Variants in COL6A3 observed in about 807,000 individuals in gnomAD.
The protein encoded by COL6A3 is collagen alpha-3(VI) chain.
Under a neutral mutation model 274.1 loss-of-function variants are expected in COL6A3, and 137 were observed. The ratio of observed to expected loss-of-function variants is 0.50; its 90% CI spans 0.44 to 0.58. The LOEUF is 0.58. Ranked by LOEUF, COL6A3 falls within the 20% of genes least tolerant of loss-of-function variation. COL6A3 has a pLI of 0.00. For synonymous variants in COL6A3, 1,650 were observed against 1,650.6 expected (o/e 1.00, Z 0.01); for missense variants, 3,950 against 4,124.9 (o/e 0.96, Z 1.16).
intron 42 of COL6A3, chr2:237,327,882 T>C (rs1700033789): frequency 6.6e-6 from 1 of 151,908 alleles, no homozygotes; most frequent in African/African-American, 2.4e-5. Context: ...CCAAGGGAGA[T>C]GGCTGGCCCT....
At chr2:237,393,208 G>C (rs1213701798) in intron 3 of COL6A3, among the ~76,000 whole-genome samples, 1 of 152,012 alleles carries the variant, frequency 6.6e-6, no homozygotes, top group Admixed American at 6.6e-5. Flanking sequence ...TCCTGGGAGT[G>C]CCTGAGATAT....
At chr2:237,387,427 A>G (rs548752669) in intron 4 of COL6A3, among the ~76,000 whole-genome samples, 155 bp downstream of exon 4, 1 of 152,202 alleles carries the variant, frequency 6.6e-6, no homozygotes, top group Non-Finnish European at 1.5e-5. Flanking sequence ...CATCACAAAC[A>G]TGACATCCAG....
chr2:237,351,369 A>G (rs956232033), intron 26 of COL6A3, among the ~76,000 whole-genome samples, 177 bp from the exon 27 acceptor site: 1 of 152,242 alleles, frequency 6.6e-6, no homozygotes, highest in Non-Finnish European at 1.5e-5. Flanking sequence ...TCAAATATAA[A>G]CATGCACAGA....
chr2:237,334,809 C>T lies in COL6A3; in HGVS notation c.9046G>A (p.Gly3016Ser). ...KLHWERAEPP[G>S]PYFYDLTVTS... ...ACGGTGAGGTCATAAAAATAAGGAC[C>T]GGGGGGCTCAGCCCTCTCCCAGTGG... Residue 3016 changes from glycine (G) to serine (S), a missense_variant, in exon 41 of 44, where the codon GGT becomes AGT. Gly to Ser is a moderately conservative substitution (Grantham distance 56). Transcript: ENST00000295550. The T allele has an allele frequency of 4.3e-6, 7 of 1,614,048 alleles. No homozygotes were observed. Among genetic ancestry groups the T allele is most frequent in the Admixed American group, 1.7e-5 (1 of 60,012 alleles).
chr2:237,376,088 G>T (rs1231396235), intron 7 of COL6A3, among the ~76,000 whole-genome samples: 3 of 152,168 alleles, frequency 2.0e-5, no homozygotes, highest in Admixed American at 6.5e-5. Context: ...TCACAAGTGG[G>T]TTAATGGGAG....
chr2:237,400,642 A>G (rs555067063), intron 1 of COL6A3, among the ~76,000 whole-genome samples: 108 of 152,208 alleles, frequency 7.1e-4, no homozygotes, highest in African/African-American at 2.6e-3. Context: ...AAAACAAAAA[A>G]CCCAGGACCA....
chr2:237,328,590 G>A (rs1267975537), intron 42 of COL6A3: 3 of 152,186 alleles, frequency 2.0e-5, no homozygotes, highest in Non-Finnish European at 4.4e-5. Context: ...ATATTTCTCT[G>A]TACCTCCTGA....
chr2:237,410,655 A>G (rs1490010877), intron 1 of COL6A3, among the ~76,000 whole-genome samples: 1 of 152,208 alleles, frequency 6.6e-6, no homozygotes. Flanking sequence ...AGAATGTATT[A>G]AAAATTATAT....
At chr2:237,360,438 CTG>C (rs2077410131) in intron 16 of COL6A3, among the ~76,000 whole-genome samples, 1 of 152,140 alleles carries the variant, frequency 6.6e-6, no homozygotes, top group African/African-American at 2.4e-5. Flanking sequence ...GCCCCCAGCA[CTG>C]TGTCTCTGTG....
At chr2:237,375,057 T>C in intron 7 of COL6A3, 37 bp from the exon 8 acceptor site, 1 of 1,611,168 alleles carries the variant, frequency 6.2e-7, no homozygotes, top group Non-Finnish European at 8.5e-7. Flanking sequence ...ACACAGGACA[T>C]CAGAGCAGCA....
chr2:237,341,972 T>C (rs960587236), intron 37 of COL6A3, 93 bp downstream of exon 37: 1 of 1,088,890 alleles, frequency 9.2e-7, no homozygotes, highest in Non-Finnish European at 1.4e-6. Context: ...CTCAAGCTCT[T>C]TTTACAGATC....
chr2:237,367,251 C>G lies in COL6A3; in HGVS notation c.4936G>C (p.Gly1646Arg). ...CTGTCCCTCCTGAAGTTGATGGAAC[C>G]ATCCAACAGGAACACAATGTCTGCT... The part of the protein sequence containing the change: ...KKADIVFLLD[G>R]SINFRRDSFQ... The change falls in exon 11 of 44, where the codon GGT (glycine) becomes CGT (arginine). Residue 1646 changes from glycine (G) to arginine (R), a missense_variant. Gly to Arg is a moderately radical substitution (Grantham distance 125). Around this residue, in one of 5 missense-constraint regions of COL6A3, gnomAD observed 632 missense variants for 623.4 expected, o/e 1.01. Transcript: ENST00000295550. The G allele has an allele frequency of 6.2e-7, 1 of 1,613,766 alleles. No homozygotes were observed. The highest frequency in any genetic ancestry group is 8.5e-7 in the Non-Finnish European group (1 of 1,179,786).
At chr2:237,409,827 A>G (rs551601458) in intron 1 of COL6A3, among the ~76,000 whole-genome samples, 1 of 152,310 alleles carries the variant, frequency 6.6e-6, no homozygotes, top group South Asian at 2.1e-4. Context: ...TGAATATGCA[A>G]ACCTACTTTG....
At position 237,325,728 on chromosome 2, in the gene COL6A3, T is replaced by G; in HGVS notation, c.9329-4A>C. 6.2e-7 allele frequency: 1 copy of G among 1,612,484 alleles called. No homozygotes were observed. The highest frequency in any genetic ancestry group is 8.5e-7 in the Non-Finnish European group (1 of 1,179,194). The stretch of plus-strand genomic sequence containing the variant: ...TCTTTCGGCAACTTGCATATATCTT[T>G]AATAAAAACATGAGAAAAGGATATT... On this transcript the variant is annotated splice_polypyrimidine_tract_variant and splice_region_variant and intron_variant, in intron 42 of 43. Coordinates refer to ENST00000295550, the MANE Select transcript of COL6A3 (RefSeq NM_004369.4).
chr2:237,395,615 C>T (rs1035953140), intron 2 of COL6A3, among the ~76,000 whole-genome samples: 2 of 152,142 alleles, frequency 1.3e-5, no homozygotes, highest in African/African-American at 2.4e-5. Flanking sequence ...GTTTGGAATA[C>T]AAAACCGGGC....
In COL6A3 at chr2:237,369,183, G is replaced by A. The variant is rs1250196413; in HGVS notation, c.4286-6C>T. Reference sequence around the variant, plus strand: ...TGCAGCATCACTCTCAACTGCTGCAGATCAAAGAAGAAAAAGGGAAACATT... The same window carrying A: ...TGCAGCATCACTCTCAACTGCTGCAAATCAAAGAAGAAAAAGGGAAACATT... On this transcript the variant is annotated splice_polypyrimidine_tract_variant and splice_region_variant and intron_variant, in intron 9 of 43. Transcript: ENST00000295550. The A allele has an allele frequency of 2.5e-6, 4 of 1,607,696 alleles. No individual in the cohort carries two copies. Among genetic ancestry groups the A allele is most frequent in the Non-Finnish European group, 1.7e-6 (2 of 1,179,990 alleles).
Position 237,379,238 on chromosome 2 carries a change from G to A in COL6A3, c.1898-3C>T, listed in dbSNP as rs774673109. ...GATATCCCTTTTGTTTGAGTGAACT[G>A]CAGTGAAGCACAGAAAAAAAAGTGA... On this transcript the variant is annotated splice_region_variant and splice_polypyrimidine_tract_variant and intron_variant, in intron 5 of 43. Coordinates refer to ENST00000295550, the MANE Select transcript of COL6A3 (RefSeq NM_004369.4). 3.7e-6 allele frequency: 6 copies of A among 1,614,114 alleles called. No individual in the cohort carries two copies. Among genetic ancestry groups the A allele is most frequent in the Admixed American group, 1.7e-5 (1 of 60,030 alleles).
chr2:237,366,733 A>G lies in COL6A3; in HGVS notation c.5454T>C (p.Asp1818=). ...LSEQVLETLH[D]AMHETLCPGV... ...CAGGGCAAAGGGTTTCATGCATCGCATCATGCAAAGTTTCCAAAACTTGCT... is the reference window on the plus strand; with the variant it reads ...CAGGGCAAAGGGTTTCATGCATCGCGTCATGCAAAGTTTCCAAAACTTGCT... Residue 1818 remains aspartate, a synonymous_variant, in exon 11 of 44, where the codon GAT becomes GAC. Coordinates refer to ENST00000295550, the MANE Select transcript of COL6A3 (RefSeq NM_004369.4). 1 of 1,614,272 alleles carries G rather than the reference A, an allele frequency of 6.2e-7. No individual in the cohort carries two copies. The highest frequency in any genetic ancestry group is 2.2e-5 in the East Asian group (1 of 44,886).
intron 42 of COL6A3, chr2:237,329,829 A>AGT: frequency 6.6e-6 from 1 of 152,234 alleles, no homozygotes; most frequent in South Asian, 2.1e-4. Context: ...CAGTTTCAGA[A>AGT]GTGTCCCAAT....
Sources: allele counts gnomAD v4.1 joint callset (sites outside exome capture counted in the v4.1 genomes callset), GRCh38; gene constraint gnomAD v4.1.1; regional missense constraint gnomAD v4.1.1; transcripts MANE v1.5; gene names NCBI Gene and HGNC (gene_info 2026-07-23, HGNC 2026-07-21).